The following ADAMTS6 variants were observed in gnomAD, a reference collection of about 807,000 sequenced individuals.
The protein encoded by ADAMTS6 is ADAM metallopeptidase with thrombospondin type 1 motif 6, also known as A disintegrin and metalloproteinase with thrombospondin motifs 6.
ADAMTS6 carries 23 observed loss-of-function variants against 144.3 expected under a neutral mutation model. That is an observed-to-expected ratio of 0.16 (90% CI 0.11 to 0.23). The LOEUF (loss-of-function observed/expected upper bound fraction) is 0.23. Ranked by LOEUF, ADAMTS6 falls within the 10% of genes least tolerant of loss-of-function variation. The pLI is 1.00. For missense variants in ADAMTS6, 999 were observed against 1,379.6 expected, an observed-to-expected ratio of 0.72 and a Z score of 4.37; for synonymous variants, 444 against 457.5, an observed-to-expected ratio of 0.97 and a Z score of 0.38.
intron 7 of ADAMTS6, among the ~76,000 whole-genome samples, chr5:65,365,695 T>G (rs903685419): frequency 3.3e-5 from 5 of 151,792 alleles, no homozygotes; most frequent in South Asian, 2.1e-4. Context: ...TTCAATAAAT[T>G]ATTTGGAACA....
intron 7 of ADAMTS6, among the ~76,000 whole-genome samples, chr5:65,435,798 G>A (rs1012393873): frequency 2.0e-5 from 3 of 151,848 alleles, no homozygotes; most frequent in South Asian, 4.2e-4. Flanking sequence ...ACTAATTTTT[G>A]TATTTTTAGC....
At chr5:65,300,649 TG>T (rs1743272371) in intron 9 of ADAMTS6, among the ~76,000 whole-genome samples, 1 of 152,004 alleles carries the variant, frequency 6.6e-6, no homozygotes, top group South Asian at 2.1e-4. Context: ...TTTTTTTTTT[TG>T]AGACGCAGTC....
At chr5:65,289,053 AAC>A (rs1742030551) in intron 11 of ADAMTS6, among the ~76,000 whole-genome samples, 1 of 152,246 alleles carries the variant, frequency 6.6e-6, no homozygotes, top group African/African-American at 2.4e-5. Flanking sequence ...TTAAACAAAT[AAC>A]ACAAGCATTT....
At chr5:65,443,266 A>G (rs1490759599) in intron 7 of ADAMTS6, among the ~76,000 whole-genome samples, 1 of 152,204 alleles carries the variant, frequency 6.6e-6, no homozygotes, top group Admixed American at 6.5e-5. Context: ...TAAATTAGAT[A>G]TCTAACTACA....
intron 7 of ADAMTS6, among the ~76,000 whole-genome samples, chr5:65,442,559 T>C (rs965348619): frequency 1.1e-4 from 16 of 152,074 alleles, no homozygotes; most frequent in African/African-American, 3.9e-4. Context: ...AGGGCAACAT[T>C]ACCCTAATAC....
At chr5:65,282,633 G>A (rs932661286) in intron 11 of ADAMTS6, among the ~76,000 whole-genome samples, 1 of 151,952 alleles carries the variant, frequency 6.6e-6, no homozygotes, top group Non-Finnish European at 1.5e-5. Context: ...CATTTCTTTC[G>A]GGGCCTGCTA....
chr5:65,478,052 G>A (rs1396002377), intron 1 of ADAMTS6, among the ~76,000 whole-genome samples: 1 of 151,942 alleles, frequency 6.6e-6, no homozygotes, highest in African/African-American at 2.4e-5. Flanking sequence ...ACCTGATCAT[G>A]GGAGGTGGAG....
chr5:65,401,974 C>G (rs868604898), intron 7 of ADAMTS6, among the ~76,000 whole-genome samples: 1 of 152,050 alleles, frequency 6.6e-6, no homozygotes. Flanking sequence ...TTAAATCATC[C>G]TAATACACTG....
At chr5:65,370,059 G>C (rs934384972) in intron 7 of ADAMTS6, among the ~76,000 whole-genome samples, 1 of 152,012 alleles carries the variant, frequency 6.6e-6, no homozygotes, top group African/African-American at 2.4e-5. Flanking sequence ...ACTCTTCTGG[G>C]AAAAGGAAAT....
At chr5:65,253,337 G>A (rs1760348691) in intron 14 of ADAMTS6, among the ~76,000 whole-genome samples, 1 of 152,170 alleles carries the variant, frequency 6.6e-6, no homozygotes, top group Admixed American at 6.5e-5. Flanking sequence ...TTTGAGCACT[G>A]ATTAGAAAAT....
rs114818755 is a variant in ADAMTS6 at position 65,267,950 on chromosome 5, A to T, written c.1621-4988T>A. On this transcript the variant is annotated intron_variant, in intron 12 of 24. Coordinates refer to ENST00000381055, the MANE Select transcript of ADAMTS6 (RefSeq NM_197941.4). Reference sequence around the variant, plus strand: ...AATGCTAAAGCTACATTTCAGCCCAAATTCTAAATCAGAAGTTGTCATCCC... The same window carrying T: ...AATGCTAAAGCTACATTTCAGCCCATATTCTAAATCAGAAGTTGTCATCCC... Among the ~76,000 whole-genome samples the T allele has an allele frequency of 3.5e-3, 529 of 152,330 alleles. 3 individuals carry two copies. Among genetic ancestry groups the T allele is most frequent in the South Asian group, 0.014 (66 of 4,830 alleles).
intron 1 of ADAMTS6, among the ~76,000 whole-genome samples, chr5:65,479,250 T>C (rs1761044384): frequency 1.3e-5 from 2 of 152,196 alleles, no homozygotes; most frequent in Admixed American, 1.3e-4. Context: ...TCACCTACTG[T>C]ATGCTAAGGA....
intron 21 of ADAMTS6, among the ~76,000 whole-genome samples, chr5:65,191,551 G>T (rs894478905): frequency 6.6e-6 from 1 of 151,904 alleles, no homozygotes; most frequent in African/African-American, 2.4e-5. Flanking sequence ...TAGCAAAATT[G>T]TAAAAATCTT....
At chr5:65,257,541 C>T (rs1199002451) in intron 14 of ADAMTS6, among the ~76,000 whole-genome samples, 1 of 152,090 alleles carries the variant, frequency 6.6e-6, no homozygotes, top group African/African-American at 2.4e-5. Context: ...TCATTCTTAC[C>T]AATATCCTTA....
At chr5:65,365,642 G>A (rs536734810) in intron 7 of ADAMTS6, among the ~76,000 whole-genome samples, 4 of 127,936 alleles carry the variant, frequency 3.1e-5, no homozygotes, top group Non-Finnish European at 4.8e-5. Context: ...GTGAGACTCT[G>A]TTTCAAAAAA....
At chr5:65,276,140 G>A (rs933181987) in intron 11 of ADAMTS6, among the ~76,000 whole-genome samples, 3 of 152,124 alleles carry the variant, frequency 2.0e-5, no homozygotes, top group African/African-American at 4.8e-5. Flanking sequence ...AAAGTAGCAG[G>A]TGCTTAAGAT....
At chr5:65,252,681 AATTATT>A (rs943221674) in intron 14 of ADAMTS6, among the ~76,000 whole-genome samples, 13 of 152,008 alleles carry the variant, frequency 8.6e-5, no homozygotes, top group African/African-American at 3.1e-4. Context: ...AACTAATAAC[AATTATT>A]ATTATTATAT....
At chr5:65,361,941 C>A (rs554051463) in intron 7 of ADAMTS6, among the ~76,000 whole-genome samples, 38 of 152,136 alleles carry the variant, frequency 2.5e-4, no homozygotes, top group African/African-American at 8.4e-4. Flanking sequence ...CACCACATTG[C>A]CCAGGCTGGT....
chr5:65,231,368 G>T (rs1167188634), intron 15 of ADAMTS6, among the ~76,000 whole-genome samples: 2 of 151,904 alleles, frequency 1.3e-5, no homozygotes, highest in African/African-American at 4.8e-5. Flanking sequence ...CCCAACATTG[G>T]AATACCTAAA....
Sources: gnomAD v4.1 joint callset for allele counts (sites outside exome capture counted in the v4.1 genomes callset) on GRCh38, gnomAD v4.1.1 for gene constraint, MANE v1.5 for transcripts, NCBI Gene and HGNC (gene_info 2026-07-23, HGNC 2026-07-21) for gene names.